The following TBC1D1 variants were observed in gnomAD, a reference collection of about 807,000 sequenced individuals.
TBC1D1 encodes TBC1 (tre-2/USP6, BUB2, cdc16) domain family, member 1.
Under a neutral mutation model 125.6 loss-of-function variants are expected in TBC1D1, and 89 were observed. That is an observed-to-expected ratio of 0.71 (90% CI 0.60 to 0.85). TBC1D1 has a LOEUF of 0.85. TBC1D1 is among the 40% of genes least tolerant of loss of function. The probability of loss-of-function intolerance (pLI) is 0.00; values close to 1 mark genes in which losing one functional copy is unlikely to be tolerated. For missense variants in TBC1D1, 1,377 were observed against 1,469.2 expected (o/e 0.94, Z 1.03); for synonymous variants, 565 against 564.1 (o/e 1.00, Z -0.02).
intron 2 of TBC1D1, among the ~76,000 whole-genome samples, chr4:37,925,608 T>G (rs1721921535): frequency 6.7e-6 from 1 of 148,666 alleles, no homozygotes; most frequent in Non-Finnish European, 1.5e-5. Flanking sequence ...CCCAGCTACT[T>G]AGGAGCGGAG....
rs558252842 is a variant in TBC1D1, at chr4:38,020,573, G to T, written c.973-18G>T. 8.1e-6 allele frequency: 13 copies of T among 1,606,980 alleles called. No homozygotes were observed. The highest frequency in any genetic ancestry group is 1.1e-5 in the Non-Finnish European group (13 of 1,174,590). On this transcript the variant is annotated intron_variant, in intron 4 of 19. Coordinates refer to ENST00000261439, the MANE Select transcript of TBC1D1 (RefSeq NM_015173.4). ...TCTTCTGGATACAACTGAACATCTC[G>T]TTCTCTCCCTTTGGCAGGGCATCAG...
At chr4:37,901,404 A>C (rs1463522737) in intron 1 of TBC1D1, among the ~76,000 whole-genome samples, 1 of 152,094 alleles carries the variant, frequency 6.6e-6, no homozygotes, top group Non-Finnish European at 1.5e-5. Flanking sequence ...TGATCCACCT[A>C]TCTTGGCCTC....
In TBC1D1 at chr4:37,934,194, CA is replaced by C. The variant is rs889347075; in HGVS notation, c.417+31684del. On this transcript the variant is annotated intron_variant, in intron 2 of 19. Coordinates refer to ENST00000261439, the MANE Select transcript of TBC1D1 (RefSeq NM_015173.4). ...AATGTGGAGGAAAAAGGAGTCAGAC[CA>C]ACTAGAATCTGGAAAGGTCAACTGG... Among the ~76,000 whole-genome samples the C allele has an allele frequency of 7.2e-5, 11 of 152,226 alleles. No homozygotes were observed. In the South Asian group the frequency reaches 2.3e-3, roughly 32 times the overall value.
chr4:38,063,686 T>G (rs1186994532), intron 12 of TBC1D1, among the ~76,000 whole-genome samples: 1 of 152,038 alleles, frequency 6.6e-6, no homozygotes, highest in African/African-American at 2.4e-5. Flanking sequence ...TGGAGTGCAG[T>G]GGTGCGATCT....
intron 2 of TBC1D1, among the ~76,000 whole-genome samples, chr4:37,965,358 G>A (rs1730864858): frequency 6.6e-6 from 1 of 152,150 alleles, no homozygotes; most frequent in African/African-American, 2.4e-5. Context: ...AGCAGTGTCT[G>A]GCAGATAGGA....
chr4:38,084,148 A>T (rs1757071341), intron 12 of TBC1D1, among the ~76,000 whole-genome samples: 1 of 152,034 alleles, frequency 6.6e-6, no homozygotes, highest in East Asian at 1.9e-4. Context: ...GTTAGCCAGG[A>T]TGGTCTCGAT....
chr4:37,968,668 C>A (rs1405252754), intron 2 of TBC1D1, among the ~76,000 whole-genome samples: 2 of 152,234 alleles, frequency 1.3e-5, no homozygotes, highest in Non-Finnish European at 2.9e-5. Context: ...ACCGTTTGCT[C>A]TGAAGACGGT....
chr4:38,130,937 C>G (rs1014176565), intron 18 of TBC1D1, among the ~76,000 whole-genome samples: 29 of 152,306 alleles, frequency 1.9e-4, no homozygotes, highest in Admixed American at 1.6e-3. Context: ...GGACAGGCGC[C>G]CCTCCCAATT....
At chr4:38,117,996 T>A (rs1356159561) in intron 16 of TBC1D1, 37 bp from the exon 19 acceptor site, 2 of 1,604,440 alleles carry the variant, frequency 1.2e-6, no homozygotes, top group South Asian at 1.1e-5. Flanking sequence ...CTGTGGCAGA[T>A]CCCTAATTCT....
chr4:38,104,760 T>TA (rs1553939002), intron 15 of TBC1D1, among the ~76,000 whole-genome samples: 24 of 150,184 alleles, frequency 1.6e-4, no homozygotes, highest in Admixed American at 2.7e-4. Flanking sequence ...TTTTTTTTTT[T>TA]AATTTTTTTT....
At chr4:38,038,946 G>A (rs1240993881) in intron 8 of TBC1D1, among the ~76,000 whole-genome samples, 2 of 132,178 alleles carry the variant, frequency 1.5e-5, no homozygotes, top group Non-Finnish European at 3.1e-5. Flanking sequence ...ACTCCCTCTC[G>A]GGAAAAAAAA....
At chr4:38,084,354 C>T (rs1228926549) in intron 12 of TBC1D1, among the ~76,000 whole-genome samples, 2 of 152,200 alleles carry the variant, frequency 1.3e-5, no homozygotes, top group Non-Finnish European at 2.9e-5. Flanking sequence ...GAAGTCATGG[C>T]AGGGTTGAGA....
intron 2 of TBC1D1, among the ~76,000 whole-genome samples, chr4:37,967,829 T>C (rs1283091169): frequency 2.6e-5 from 4 of 152,240 alleles, no homozygotes; most frequent in Non-Finnish European, 5.9e-5. Context: ...TAAGAGTCTA[T>C]GTTGAGTTAC....
chr4:38,124,897 CAATGG>C (rs1344217759), intron 17 of TBC1D1, 60 bp from the exon 20 acceptor site: 1 of 1,415,488 alleles, frequency 7.1e-7, no homozygotes, highest in East Asian at 2.3e-5. Context: ...GTGGAAAAGG[CAATGG>C]AATGGTATTG....
intron 12 of TBC1D1, among the ~76,000 whole-genome samples, chr4:38,078,240 T>C (rs1755933924): frequency 6.6e-6 from 1 of 152,224 alleles, no homozygotes; most frequent in Non-Finnish European, 1.5e-5. Flanking sequence ...TGCCAATCCA[T>C]TGAGGCTCAG....
At chr4:38,123,558 C>T (rs1207982149) in intron 17 of TBC1D1, among the ~76,000 whole-genome samples, 1 of 152,204 alleles carries the variant, frequency 6.6e-6, no homozygotes, top group African/African-American at 2.4e-5. Flanking sequence ...ACAGTTAGTT[C>T]TCTAGTATAT....
chr4:38,058,588 G>A (rs1752189248), intron 12 of TBC1D1, among the ~76,000 whole-genome samples: 1 of 152,192 alleles, frequency 6.6e-6, no homozygotes, highest in Non-Finnish European at 1.5e-5. Flanking sequence ...TATTTCAGGT[G>A]CTCAAAATGA....
At chr4:37,896,357 C>T (rs1025865108) in intron 1 of TBC1D1, among the ~76,000 whole-genome samples, 2 of 152,124 alleles carry the variant, frequency 1.3e-5, no homozygotes, top group Non-Finnish European at 2.9e-5. Flanking sequence ...AAGGGGGTTC[C>T]CAATAAGCAG....
intron 1 of TBC1D1, among the ~76,000 whole-genome samples, chr4:37,893,852 G>A (rs1466875838): frequency 6.6e-6 from 1 of 152,100 alleles, no homozygotes; most frequent in East Asian, 1.9e-4. Flanking sequence ...GAAGGATTTA[G>A]GTTTTCAGTC....
Sources: gnomAD v4.1 joint callset for allele counts (sites outside exome capture counted in the v4.1 genomes callset) on GRCh38, gnomAD v4.1.1 for gene constraint, MANE v1.5 for transcripts, NCBI Gene and HGNC (gene_info 2026-07-23, HGNC 2026-07-21) for gene names.